ZNF385D: variants seen among roughly 807,000 people sequenced by gnomAD.
ZNF385D encodes the protein zinc finger protein 659.
In ZNF385D, 15 loss-of-function variants were observed where a neutral mutation model predicts 35.8. That is an observed-to-expected ratio of 0.42 (90% confidence interval 0.28 to 0.64). ZNF385D has a LOEUF of 0.64. ZNF385D is among the 30% of genes least tolerant of loss of function. The probability of loss-of-function intolerance (pLI) is 0.23; values close to 1 mark genes in which losing one functional copy is unlikely to be tolerated. For missense variants in ZNF385D, 474 were observed against 494.6 expected, an observed-to-expected ratio of 0.96 and a Z score of 0.39; for synonymous variants, 212 against 186.8, an observed-to-expected ratio of 1.13 and a Z score of -1.10.
intron 3 of ZNF385D, among the ~76,000 whole-genome samples, chr3:21,798,831 A>C (rs2072270994): frequency 6.6e-6 from 1 of 152,176 alleles, no homozygotes; most frequent in Non-Finnish European, 1.5e-5. Context: ...TAAGATTAAC[A>C]ATTTTAAAAT....
chr3:22,260,985 T>C (rs948873466), intron 2 of ZNF385D, among the ~76,000 whole-genome samples: 1 of 152,010 alleles, frequency 6.6e-6, no homozygotes, highest in Non-Finnish European at 1.5e-5. Flanking sequence ...ACTTAAAAAA[T>C]TTAAAGTGGC....
intron 3 of ZNF385D, among the ~76,000 whole-genome samples, chr3:21,764,950 C>G (rs73822054): frequency 0.034 from 5,141 of 152,124 alleles, 287 homozygotes; most frequent in African/African-American, 0.12. Flanking sequence ...TTATGGATGC[C>G]CTTGCTTTTA....
chr3:21,812,316 A>G (rs59212732), intron 3 of ZNF385D, among the ~76,000 whole-genome samples: 7,128 of 152,278 alleles, frequency 0.047, 563 homozygotes, highest in African/African-American at 0.16. Flanking sequence ...TGAATTTCCA[A>G]CTGAGGTACC....
chr3:22,057,261 A>T (rs1039747595), intron 3 of ZNF385D, among the ~76,000 whole-genome samples: 1 of 152,210 alleles, frequency 6.6e-6, no homozygotes, highest in African/African-American at 2.4e-5. Context: ...TAGAAATTAC[A>T]AGAATAATAA....
At chr3:21,900,194 G>A (rs951491926) in intron 3 of ZNF385D, among the ~76,000 whole-genome samples, 1 of 152,124 alleles carries the variant, frequency 6.6e-6, no homozygotes, top group Non-Finnish European at 1.5e-5. Context: ...GATAAAAGCA[G>A]AAAAGGGAAA....
At chr3:22,077,782 G>A (rs1274691735) in intron 3 of ZNF385D, among the ~76,000 whole-genome samples, 1 of 151,916 alleles carries the variant, frequency 6.6e-6, no homozygotes, top group Non-Finnish European at 1.5e-5. Context: ...AAAAGAAATG[G>A]GAGAAACAGA....
chr3:21,673,148 T>C (rs967658427), intron 1 of ZNF385D, among the ~76,000 whole-genome samples: 1 of 152,094 alleles, frequency 6.6e-6, no homozygotes, highest in African/African-American at 2.4e-5. Flanking sequence ...TTTCACACCA[T>C]GAATCATAAC....
chr3:22,091,566 G>T (rs1465819828), intron 3 of ZNF385D, among the ~76,000 whole-genome samples: 1 of 149,422 alleles, frequency 6.7e-6, no homozygotes, highest in Non-Finnish European at 1.5e-5. Context: ...GCCTGCCAGA[G>T]TTATTGTTTT....
At chr3:21,596,312 T>G (rs1293582417) in intron 2 of ZNF385D, among the ~76,000 whole-genome samples, 1 of 152,086 alleles carries the variant, frequency 6.6e-6, no homozygotes, top group Non-Finnish European at 1.5e-5. Flanking sequence ...GATTAGAAAG[T>G]TACAAACCAC....
At chr3:22,135,392 C>T (rs569227757) in intron 3 of ZNF385D, among the ~76,000 whole-genome samples, 95 of 152,140 alleles carry the variant, frequency 6.2e-4, no homozygotes, top group African/African-American at 2.2e-3. Context: ...TGAAAACAGA[C>T]ATTTAAAATA....
At chr3:22,281,823 T>C (rs1414765990) in intron 2 of ZNF385D, among the ~76,000 whole-genome samples, 1 of 152,060 alleles carries the variant, frequency 6.6e-6, no homozygotes, top group Non-Finnish European at 1.5e-5. Context: ...TTGGTACCAA[T>C]TGTTTGAATG....
At chr3:22,210,340 G>T (rs944281410) in intron 2 of ZNF385D, among the ~76,000 whole-genome samples, 3 of 151,756 alleles carry the variant, frequency 2.0e-5, no homozygotes, top group Non-Finnish European at 2.9e-5. Context: ...TTTGAATGGT[G>T]GTTCTATACT....
At chr3:22,326,299 G>C (rs1164536167) in intron 2 of ZNF385D, among the ~76,000 whole-genome samples, 1 of 152,182 alleles carries the variant, frequency 6.6e-6, no homozygotes, top group Non-Finnish European at 1.5e-5. Flanking sequence ...GAATCTGAGA[G>C]GTAAGGGAGA....
chr3:21,761,229 A>C (rs1197106564), intron 3 of ZNF385D, among the ~76,000 whole-genome samples: 2 of 152,216 alleles, frequency 1.3e-5, no homozygotes, highest in Non-Finnish European at 2.9e-5. Context: ...ATTTTAGTGC[A>C]AATTCATGAG....
intron 3 of ZNF385D, among the ~76,000 whole-genome samples, chr3:21,820,174 G>C (rs1408423431): frequency 1.3e-5 from 2 of 151,542 alleles, no homozygotes; most frequent in African/African-American, 4.8e-5. Flanking sequence ...TTCTTTTAAA[G>C]CCCAGTTGGA....
chr3:22,314,362 A>C (rs887498380), intron 2 of ZNF385D, among the ~76,000 whole-genome samples: 2 of 152,094 alleles, frequency 1.3e-5, no homozygotes, highest in African/African-American at 2.4e-5. Context: ...TATGAGTGAG[A>C]ACATTTGATG....
At chr3:21,973,941 G>C (rs1158519556) in intron 3 of ZNF385D, among the ~76,000 whole-genome samples, 2 of 151,764 alleles carry the variant, frequency 1.3e-5, no homozygotes, top group Admixed American at 1.3e-4. Flanking sequence ...AAATGAAAAG[G>C]TATTCTATGT....
chr3:22,338,528 A>T (rs1193375813), intron 2 of ZNF385D, among the ~76,000 whole-genome samples: 1 of 152,134 alleles, frequency 6.6e-6, no homozygotes, highest in African/African-American at 2.4e-5. Context: ...AGTGGATAGA[A>T]ATTGATGTTG....
chr3:21,864,955 T>C (rs1160251455), intron 3 of ZNF385D, among the ~76,000 whole-genome samples: 1 of 143,198 alleles, frequency 7.0e-6, no homozygotes, highest in Non-Finnish European at 1.5e-5. Flanking sequence ...GTGATCATAA[T>C]GGCCTGGAGC....
Sources: allele counts gnomAD v4.1 joint callset (sites outside exome capture counted in the v4.1 genomes callset), GRCh38; gene constraint gnomAD v4.1.1; transcripts MANE v1.5; gene names NCBI Gene and HGNC (gene_info 2026-07-23, HGNC 2026-07-21).